DZIP3: variants seen among roughly 807,000 people sequenced by gnomAD.
DZIP3 encodes the protein DAZ interacting zinc finger protein 3.
In DZIP3, 118 loss-of-function variants were observed where a neutral mutation model predicts 162.0. The observed-to-expected ratio is 0.73, with a 90% CI of 0.63 to 0.85. The LOEUF is 0.85. DZIP3 is among the 40% of genes least tolerant of loss of function. The probability of loss-of-function intolerance (pLI) is 0.00; values close to 1 mark genes in which losing one functional copy is unlikely to be tolerated. For missense variants in DZIP3, 1,331 were observed against 1,407.0 expected (o/e 0.95, Z 0.86); for synonymous variants, 438 against 458.6 (o/e 0.96, Z 0.57).
intron 15 of DZIP3, among the ~76,000 whole-genome samples, chr3:108,647,355 A>C (rs562689958): frequency 6.6e-6 from 1 of 152,142 alleles, no homozygotes; most frequent in South Asian, 2.1e-4. Flanking sequence ...AATATTATTC[A>C]ATTAAAATTA....
At chr3:108,624,885 A>G (rs956393844) in intron 6 of DZIP3, among the ~76,000 whole-genome samples, 1 of 151,858 alleles carries the variant, frequency 6.6e-6, no homozygotes, top group Non-Finnish European at 1.5e-5. Flanking sequence ...TGAATTTAAC[A>G]TTTCCTTTTT....
chr3:108,622,880 C>CTCTGTGTG (rs796232998), intron 5 of DZIP3, among the ~76,000 whole-genome samples: 587 of 53,078 alleles, frequency 0.011, 16 homozygotes, highest in African/African-American at 0.029. Flanking sequence ...CTCTCTCTCT[C>CTCTGTGTG]TGTGTGTGTG....
intron 23 of DZIP3, among the ~76,000 whole-genome samples, chr3:108,672,956 A>T: frequency 6.6e-6 from 1 of 151,934 alleles, no homozygotes; most frequent in East Asian, 1.9e-4. Flanking sequence ...AAGCCAAGTC[A>T]CTAAGCCAAA....
chr3:108,690,930 C>G, intron 32 of DZIP3, 27 bp downstream of exon 32: 1 of 1,596,870 alleles, frequency 6.3e-7, no homozygotes, highest in Non-Finnish European at 8.6e-7. Flanking sequence ...AAAGGAAGCT[C>G]AGTTTTCTTT....
At chr3:108,635,548 T>C (rs1942102649) in intron 10 of DZIP3, among the ~76,000 whole-genome samples, 1 of 147,564 alleles carries the variant, frequency 6.8e-6, no homozygotes, top group African/African-American at 2.5e-5. Flanking sequence ...TTATATAAGT[T>C]ATAATTATAT....
intron 19 of DZIP3, among the ~76,000 whole-genome samples, chr3:108,658,595 G>C (rs1943259275): frequency 2.6e-5 from 4 of 152,218 alleles, no homozygotes; most frequent in Admixed American, 1.3e-4. Flanking sequence ...AGAAGCAAGA[G>C]CAAACACATT....
intron 26 of DZIP3, among the ~76,000 whole-genome samples, chr3:108,681,244 AC>A (rs1364349649): frequency 5.9e-5 from 9 of 152,302 alleles, no homozygotes; most frequent in Middle Eastern, 6.8e-3. Context: ...CAGGAAAAAA[AC>A]AACCCCATCA....
In DZIP3 at chr3:108,669,714, A is replaced by G; in HGVS notation, c.2457A>G (p.Glu819=). ...GTCAAATCCATGCTAAAGATAATGA[A>G]ATCAAGAACCTTAAAGAGCAACTTT... The part of the protein sequence containing the change: ...LQRQIHAKDN[E]IKNLKEQLSM... Residue 819 remains glutamate, a synonymous_variant, in exon 22 of 33, where the codon GAA becomes GAG. Coordinates refer to ENST00000361582, the MANE Select transcript of DZIP3 (RefSeq NM_014648.4). 6.2e-6 allele frequency: 10 copies of G among 1,611,454 alleles called. No homozygotes were observed. The highest frequency in any genetic ancestry group is 8.5e-6 in the Non-Finnish European group (10 of 1,178,458).
intron 19 of DZIP3, 194 bp downstream of exon 19, chr3:108,654,504 G>A: frequency 1.8e-6 from 1 of 551,748 alleles, no homozygotes; most frequent in Non-Finnish European, 3.1e-6. Flanking sequence ...CCTAGGAGCT[G>A]GAAACTTCAC....
chr3:108,624,955 T>C (rs1168489806), intron 6 of DZIP3, among the ~76,000 whole-genome samples: 1 of 152,168 alleles, frequency 6.6e-6, no homozygotes, highest in Non-Finnish European at 1.5e-5. Flanking sequence ...CTCTTATTTT[T>C]TCTTCCCAAA....
At chr3:108,641,887 G>A (rs1942415543) in intron 12 of DZIP3, among the ~76,000 whole-genome samples, 2 of 152,100 alleles carry the variant, frequency 1.3e-5, no homozygotes, top group South Asian at 4.1e-4. Flanking sequence ...TCAAAGCCAA[G>A]CCATCTGTTT....
At chr3:108,637,886 A>G (rs1433177084) in intron 12 of DZIP3, among the ~76,000 whole-genome samples, 1 of 152,196 alleles carries the variant, frequency 6.6e-6, no homozygotes, top group East Asian at 1.9e-4. Flanking sequence ...TTGTCTTACA[A>G]TTAGAATCTT....
chr3:108,659,949 T>G (rs961784603), intron 19 of DZIP3, among the ~76,000 whole-genome samples: 76 of 152,174 alleles, frequency 5.0e-4, no homozygotes, highest in Non-Finnish European at 1.9e-4. Flanking sequence ...AAGGACCTCT[T>G]CAAGGAGAAC....
intron 26 of DZIP3, among the ~76,000 whole-genome samples, chr3:108,682,199 T>C (rs1247194173): frequency 1.3e-5 from 2 of 151,074 alleles, no homozygotes; most frequent in Non-Finnish European, 2.9e-5. Flanking sequence ...GCAGCTATTA[T>C]GGAATACAGT....
chr3:108,648,158 C>A (rs751984106), intron 16 of DZIP3, 46 bp downstream of exon 16: 1 of 1,520,688 alleles, frequency 6.6e-7, no homozygotes, highest in South Asian at 1.3e-5. Flanking sequence ...TTATTCTGGG[C>A]CTTTAATTTG....
intron 1 of DZIP3, among the ~76,000 whole-genome samples, chr3:108,598,443 C>T (rs914869266): frequency 6.6e-6 from 1 of 152,168 alleles, no homozygotes; most frequent in Non-Finnish European, 1.5e-5. Flanking sequence ...ATTTTCAATG[C>T]AACCCAAGGT....
chr3:108,630,284 T>TA (rs1335446946), intron 8 of DZIP3, among the ~76,000 whole-genome samples: 4 of 152,120 alleles, frequency 2.6e-5, no homozygotes, highest in African/African-American at 9.7e-5. Flanking sequence ...TTCAAAACTT[T>TA]AAAAAACTTT....
chr3:108,598,488 CTT>C (rs2107445558), intron 1 of DZIP3, among the ~76,000 whole-genome samples: 1 of 152,268 alleles, frequency 6.6e-6, no homozygotes, highest in Admixed American at 6.5e-5. Flanking sequence ...AAAAGAAACT[CTT>C]TATAACCAAA....
At chr3:108,658,082 G>A (rs1302780209) in intron 19 of DZIP3, among the ~76,000 whole-genome samples, 2 of 151,980 alleles carry the variant, frequency 1.3e-5, no homozygotes, top group Non-Finnish European at 2.9e-5. Context: ...ACAGATCAAT[G>A]AGACAGAAAG....
Sources: gnomAD v4.1 joint callset for allele counts (sites outside exome capture counted in the v4.1 genomes callset) on GRCh38, gnomAD v4.1.1 for gene constraint, MANE v1.5 for transcripts, NCBI Gene and HGNC (gene_info 2026-07-23, HGNC 2026-07-21) for gene names.